Variants in BBX observed in about 807,000 individuals in gnomAD.
The protein encoded by BBX is BBX high mobility group box domain containing, also known as HMG box transcription factor BBX.
A neutral mutation model predicts 100.2 loss-of-function variants in BBX; 30 were observed. The observed-to-expected ratio is 0.30, with a 90% CI of 0.22 to 0.41. The LOEUF (loss-of-function observed/expected upper bound fraction) is 0.41, where lower values mean the gene tolerates loss of function less well. Among genes scored for constraint, BBX ranks in the 10% least tolerant of loss-of-function variants. BBX has a pLI of 1.00. For missense variants in BBX, 1,023 were observed against 1,129.8 expected, an observed-to-expected ratio of 0.91 and a Z score of 1.35; for synonymous variants, 376 against 388.1, an observed-to-expected ratio of 0.97 and a Z score of 0.37.
At chr3:107,543,111 A>G (rs2048979340) in intron 2 of BBX, among the ~76,000 whole-genome samples, 4 of 152,256 alleles carry the variant, frequency 2.6e-5, no homozygotes, top group Admixed American at 1.3e-4. Context: ...ATGTCACAAT[A>G]TAAAAAAGAA....
At chr3:107,679,672 T>C (rs2059472201) in intron 3 of BBX, among the ~76,000 whole-genome samples, 1 of 152,094 alleles carries the variant, frequency 6.6e-6, no homozygotes, top group African/African-American at 2.4e-5. Flanking sequence ...CTTTATAAAA[T>C]GGAAAAAATA....
At chr3:107,577,796 C>T (rs1199122520) in intron 2 of BBX, among the ~76,000 whole-genome samples, 5 of 152,016 alleles carry the variant, frequency 3.3e-5, no homozygotes, top group Admixed American at 6.5e-5. Flanking sequence ...TAAGTAGACC[C>T]CATAAGTGCT....
chr3:107,536,499 A>G (rs1447391210), intron 2 of BBX, among the ~76,000 whole-genome samples: 3 of 152,060 alleles, frequency 2.0e-5, no homozygotes, highest in African/African-American at 4.8e-5. Flanking sequence ...TAGCCGAACA[A>G]TGGTTTTCCG....
At chr3:107,794,608 GCTA>G (rs2069410565) in intron 15 of BBX, among the ~76,000 whole-genome samples, 1 of 152,104 alleles carries the variant, frequency 6.6e-6, no homozygotes, top group Admixed American at 6.5e-5. Context: ...TGAAATAGTT[GCTA>G]TATAACTTCA....
At chr3:107,770,944 CA>C (rs2066856182) in intron 10 of BBX, among the ~76,000 whole-genome samples, 1 of 152,168 alleles carries the variant, frequency 6.6e-6, no homozygotes, top group African/African-American at 2.4e-5. Context: ...ATGAATTTTA[CA>C]GATGGTAATG....
chr3:107,593,649 C>T (rs2053486609), intron 2 of BBX, among the ~76,000 whole-genome samples: 1 of 152,202 alleles, frequency 6.6e-6, no homozygotes, highest in Non-Finnish European at 1.5e-5. Flanking sequence ...TGGGAGTCAT[C>T]TGCTCTCTAA....
Position 107,774,764 on chromosome 3 carries a change from G to A in BBX, c.1961G>A (p.Cys654Tyr), listed in dbSNP as rs749799155. ...GKGNSSDHEG[C>Y]WNEESWTFSQ... ...GGAAACTCCTCTGATCATGAAGGGT[G>A]TTGGAATGAAGAAAGCTGGACATTT... Residue 654 changes from cysteine to tyrosine, a missense_variant, in exon 12 of 18, where the codon TGT becomes TAT. Physicochemically the swap from Cys to Tyr is radical, Grantham distance 194. Around this residue, in one of 9 missense-constraint regions of BBX, gnomAD observed 215 missense variants for 211.3 expected, o/e 1.02. Transcript: ENST00000325805. The A allele has an allele frequency of 1.2e-6, 2 of 1,613,596 alleles. No homozygotes were observed. Among genetic ancestry groups the A allele is most frequent in the Non-Finnish European group, 8.5e-7 (1 of 1,179,630 alleles).
intron 2 of BBX, among the ~76,000 whole-genome samples, chr3:107,577,168 T>C (rs1212295542): frequency 2.0e-5 from 3 of 152,204 alleles, no homozygotes; most frequent in Non-Finnish European, 4.4e-5. Flanking sequence ...GCTGAAGATA[T>C]TTATTTTTTG....
chr3:107,788,624 A>T (rs1212697052), intron 13 of BBX, among the ~76,000 whole-genome samples: 9 of 151,942 alleles, frequency 5.9e-5, no homozygotes, highest in African/African-American at 2.2e-4. Flanking sequence ...AAATACAAAA[A>T]ATTAGCCAGG....
chr3:107,583,022 G>A (rs1301884151), intron 2 of BBX, among the ~76,000 whole-genome samples: 2 of 151,194 alleles, frequency 1.3e-5, no homozygotes, highest in Admixed American at 6.6e-5. Context: ...GTCATTAGAC[G>A]CAAGGCTGTT....
intron 15 of BBX, among the ~76,000 whole-genome samples, chr3:107,795,227 A>T (rs1398001599): frequency 6.6e-6 from 1 of 152,042 alleles, no homozygotes; most frequent in Non-Finnish European, 1.5e-5. Context: ...CCTCACCACC[A>T]AGCTTTTGTC....
chr3:107,555,236 G>A (rs2107448580), intron 2 of BBX, among the ~76,000 whole-genome samples: 1 of 152,234 alleles, frequency 6.6e-6, no homozygotes, highest in Non-Finnish European at 1.5e-5. Context: ...TTGAGTAGAT[G>A]GGGTGAGAAC....
intron 5 of BBX, among the ~76,000 whole-genome samples, chr3:107,726,525 A>T (rs73208510): frequency 0.053 from 8,113 of 152,128 alleles, 318 homozygotes; most frequent in Non-Finnish European, 0.08. Context: ...ATCTGCAAGA[A>T]TAATATTGTG....
Position 107,619,783 on chromosome 3 carries a change from G to T in BBX, c.-83-26053G>T, listed in dbSNP as rs1276971986. The stretch of plus-strand genomic sequence containing the variant: ...ATGTGTCATTCCTTCTGACCTCTGT[G>T]GTTTCTAATGAGGAATCTGTCATTT... On this transcript the variant is annotated intron_variant, in intron 2 of 17. Transcript: ENST00000325805. 2.0e-5 allele frequency among the ~76,000 whole-genome samples: 3 copies of T among 151,970 alleles called. No individual in the cohort carries two copies. In the East Asian group the frequency reaches 5.8e-4, roughly 29 times the overall value.
intron 2 of BBX, among the ~76,000 whole-genome samples, chr3:107,527,826 G>A (rs976100808): frequency 6.6e-6 from 1 of 152,114 alleles, no homozygotes; most frequent in Non-Finnish European, 1.5e-5. Context: ...TTTTTTTAAA[G>A]CTTGTTTGAA....
At chr3:107,730,547 T>C (rs1224379807) in intron 6 of BBX, among the ~76,000 whole-genome samples, 2 of 151,296 alleles carry the variant, frequency 1.3e-5, no homozygotes, top group Non-Finnish European at 2.9e-5. Flanking sequence ...CAATTGTAGG[T>C]GAACTGCAGA....
At chr3:107,786,179 A>G (rs775810327) in intron 13 of BBX, among the ~76,000 whole-genome samples, 8 of 152,126 alleles carry the variant, frequency 5.3e-5, no homozygotes, top group Non-Finnish European at 1.0e-4. Flanking sequence ...ATAGAAATTA[A>G]TAGAAAAACA....
At chr3:107,632,417 T>C (rs1171977139) in intron 2 of BBX, among the ~76,000 whole-genome samples, 1 of 152,166 alleles carries the variant, frequency 6.6e-6, no homozygotes, top group Non-Finnish European at 1.5e-5. Context: ...ATTAGTACTT[T>C]TAGTTTTTGA....
At chr3:107,740,172 TA>T (rs2063965327) in intron 7 of BBX, among the ~76,000 whole-genome samples, 1 of 151,992 alleles carries the variant, frequency 6.6e-6, no homozygotes, top group African/African-American at 2.4e-5. Flanking sequence ...TTGTGTCAGG[TA>T]GCCGAGTGCA....
Sources: gnomAD v4.1 joint callset for allele counts (sites outside exome capture counted in the v4.1 genomes callset) on GRCh38, gnomAD v4.1.1 for gene constraint, gnomAD v4.1.1 regional missense constraint, MANE v1.5 for transcripts, NCBI Gene and HGNC (gene_info 2026-07-23, HGNC 2026-07-21) for gene names.